The following FYB1 variants were observed in gnomAD, a reference collection of about 807,000 sequenced individuals.
FYB1 encodes the protein FYN-binding protein 1.
A neutral mutation model predicts 94.1 loss-of-function variants in FYB1; 41 were observed. That is an observed-to-expected ratio of 0.44 (90% CI 0.34 to 0.57). The LOEUF (loss-of-function observed/expected upper bound fraction) is 0.57. Among genes scored for constraint, FYB1 ranks in the 20% least tolerant of loss-of-function variants. The pLI is 0.02. For missense variants in FYB1, 1,050 were observed against 976.8 expected (o/e 1.07, Z -1.00); for synonymous variants, 367 against 353.2 (o/e 1.04, Z -0.44).
chr5:39,108,090 C>A, intron 18 of FYB1, 141 bp downstream of exon 18: 1 of 726,760 alleles, frequency 1.4e-6, no homozygotes, highest in South Asian at 2.1e-5. Flanking sequence ...TATGCCAGGG[C>A]ATTTACCTTT....
rs753769129 is a variant in FYB1, at chr5:39,202,329, T to C, written c.632A>G (p.Glu211Gly). ...CACATTCTTCATGGGGCTTTCGTCT[T>C]CATGGGAGTTCTCGGTACTTAGGGG... ...KPPLSTENSH[E>G]DESPMKNVSS... The change falls in exon 2 of 19, where the codon GAA becomes GGA. Residue 211 changes from glutamate to glycine, a missense_variant. Transcript: ENST00000512982. 1.2e-6 allele frequency: 2 copies of C among 1,613,936 alleles called. No homozygotes were observed. Among genetic ancestry groups the C allele is most frequent in the Admixed American group, 1.7e-5 (1 of 60,012 alleles).
intron 1 of FYB1, among the ~76,000 whole-genome samples, chr5:39,264,261 CA>C (rs1192252998): frequency 6.6e-6 from 1 of 152,098 alleles, no homozygotes; most frequent in African/African-American, 2.4e-5. Flanking sequence ...TAGGAGAAGC[CA>C]AAAGAGCTTA....
In FYB1 at chr5:39,219,502, G is replaced by A. The variant is rs1363891571; in HGVS notation, c.-87C>T. On this transcript the variant is annotated 5_prime_UTR_variant, in exon 1 of 19. Transcript: ENST00000512982. ...CCTTTAGTGGATCTTCCTGGGCCAG[G>A]GTCTGGGCCCTACTCACTTCTAGCT... 1 of 985,464 alleles carries A rather than the reference G, an allele frequency of 1.0e-6. No individual in the cohort carries two copies. Among genetic ancestry groups the A allele is most frequent in the Non-Finnish European group, 1.2e-6 (1 of 829,952 alleles). 61.0% of individuals were successfully genotyped at this position (985,464 alleles called of 1,614,324 possible).
At chr5:39,215,544 C>A (rs540859559) in intron 1 of FYB1, among the ~76,000 whole-genome samples, 137 of 152,264 alleles carry the variant, frequency 9.0e-4, no homozygotes, top group South Asian at 4.1e-3. Flanking sequence ...GACTCACCAG[C>A]CCAGCCAGCC....
chr5:39,135,836 T>A (rs889946501), intron 7 of FYB1, among the ~76,000 whole-genome samples: 10 of 152,158 alleles, frequency 6.6e-5, no homozygotes, highest in African/African-American at 2.4e-4. Context: ...TAATTTTTTT[T>A]ACCTATTATC....
intron 12 of FYB1, 91 bp from the exon 13 acceptor site, chr5:39,124,369 C>A: frequency 1.3e-6 from 1 of 743,342 alleles, no homozygotes. Flanking sequence ...GGGGCAATAG[C>A]CTAGAGGCAT....
intron 1 of FYB1, among the ~76,000 whole-genome samples, chr5:39,262,340 G>A (rs1752259639): frequency 6.6e-6 from 1 of 152,074 alleles, no homozygotes; most frequent in African/African-American, 2.4e-5. Flanking sequence ...AAACACATGA[G>A]AGATAATTTA....
At chr5:39,135,254 G>A (rs1418555000) in intron 7 of FYB1, among the ~76,000 whole-genome samples, 1 of 152,170 alleles carries the variant, frequency 6.6e-6, no homozygotes, top group Admixed American at 6.5e-5. Flanking sequence ...AGGAGAGTGA[G>A]GCAGGGATCT....
intron 1 of FYB1, among the ~76,000 whole-genome samples, chr5:39,219,167 C>T (rs982661927): frequency 1.3e-5 from 2 of 152,212 alleles, no homozygotes; most frequent in Admixed American, 6.5e-5. Flanking sequence ...GAGGTTCCAA[C>T]AAGAACACAT....
chr5:39,134,006 A>G (rs953461176), intron 9 of FYB1, among the ~76,000 whole-genome samples: 1 of 152,236 alleles, frequency 6.6e-6, no homozygotes, highest in Non-Finnish European at 1.5e-5. Flanking sequence ...TATTTCAAGT[A>G]GTATTTGATG....
At chr5:39,274,393 C>G (rs779506236) in intron 1 of FYB1, 1 of 152,120 alleles carries the variant, frequency 6.6e-6, no homozygotes, top group Admixed American at 6.5e-5. Flanking sequence ...AGAGGGATGT[C>G]GAATCTCACC....
chr5:39,180,726 G>C (rs1308267686), intron 2 of FYB1, among the ~76,000 whole-genome samples: 2 of 152,170 alleles, frequency 1.3e-5, no homozygotes, highest in Non-Finnish European at 2.9e-5. Context: ...CTAAGATGGA[G>C]AGCAGTAGGG....
intron 16 of FYB1, 112 bp from the exon 17 acceptor site, chr5:39,110,501 G>T: frequency 1.7e-6 from 1 of 595,492 alleles, no homozygotes. Flanking sequence ...TTGAATAATT[G>T]TATCTATCTC....
chr5:39,265,978 GT>G (rs142472884), intron 1 of FYB1, among the ~76,000 whole-genome samples: 6,955 of 134,058 alleles, frequency 0.052, 176 homozygotes, highest in East Asian at 0.091. Flanking sequence ...AATTTTTACT[GT>G]TTTTTTTTTT....
At chr5:39,213,803 C>T (rs915037833) in intron 1 of FYB1, among the ~76,000 whole-genome samples, 2 of 152,010 alleles carry the variant, frequency 1.3e-5, no homozygotes, top group African/African-American at 2.4e-5. Flanking sequence ...CCCAGGACAC[C>T]ATTCTGGTTC....
At chr5:39,130,172 T>G (rs1340400453) in intron 10 of FYB1, among the ~76,000 whole-genome samples, 2 of 152,052 alleles carry the variant, frequency 1.3e-5, no homozygotes, top group African/African-American at 4.8e-5. Flanking sequence ...AAATACTGCA[T>G]GTACTCACAC....
intron 2 of FYB1, among the ~76,000 whole-genome samples, chr5:39,197,370 C>T (rs1747926302): frequency 6.6e-6 from 1 of 152,104 alleles, no homozygotes; most frequent in African/African-American, 2.4e-5. Context: ...AATAATTTAT[C>T]TGGAAGCCCT....
intron 2 of FYB1, among the ~76,000 whole-genome samples, chr5:39,174,418 CT>C (rs1745521271): frequency 2.0e-5 from 3 of 152,088 alleles, no homozygotes; most frequent in Admixed American, 1.3e-4. Context: ...TGTTCCAGTG[CT>C]TTTTATATAA....
chr5:39,260,912 CA>C (rs1008674526), intron 1 of FYB1, among the ~76,000 whole-genome samples: 12 of 151,906 alleles, frequency 7.9e-5, no homozygotes, highest in African/African-American at 2.9e-4. Context: ...GTGTAAATGA[CA>C]GTGATGTTCA....
Sources: allele counts gnomAD v4.1 joint callset (sites outside exome capture counted in the v4.1 genomes callset), GRCh38; gene constraint gnomAD v4.1.1; transcripts MANE v1.5; gene names NCBI Gene and HGNC (gene_info 2026-07-23, HGNC 2026-07-21).